Variants in OCA2 observed in about 807,000 individuals in gnomAD.
The protein encoded by OCA2 is P protein.
In OCA2, 77 loss-of-function variants were observed where a neutral mutation model predicts 100.2. The observed-to-expected ratio is 0.77, with a 90% CI of 0.64 to 0.93. OCA2 has a LOEUF of 0.93. Among genes scored for constraint, OCA2 ranks in the 40% least tolerant of loss-of-function variants. The probability of loss-of-function intolerance (pLI) is 0.00; values close to 1 mark genes in which losing one functional copy is unlikely to be tolerated. For synonymous variants in OCA2, 432 were observed against 439.2 expected, an observed-to-expected ratio of 0.98 and a Z score of 0.21; for missense variants, 1,062 against 1,089.1, an observed-to-expected ratio of 0.98 and a Z score of 0.35.
chr15:27,777,033 C>T (rs2032276420), intron 23 of OCA2, among the ~76,000 whole-genome samples: 1 of 151,992 alleles, frequency 6.6e-6, no homozygotes, highest in Non-Finnish European at 1.5e-5. Flanking sequence ...CTGCCACTTT[C>T]TCCAGAGGGA....
chr15:27,727,818 G>A, the OCA2 span, among the ~76,000 whole-genome samples: 18 of 152,042 alleles, frequency 1.2e-4, no homozygotes, highest in African/African-American at 2.7e-4. Flanking sequence ...GAGTAGAACC[G>A]GATGACACCA....
rs76440341 is a variant in OCA2 at position 28,030,825 on chromosome 15, T to C, written c.326+1240A>G. Among the ~76,000 whole-genome samples the C allele has an allele frequency of 6.2e-3, 940 of 152,344 alleles. 6 individuals carry two copies. Among genetic ancestry groups the C allele is most frequent in the African/African-American group, 0.021 (889 of 41,578 alleles). ...AAAGCTGTTGAAACTTTAAATTATT[T>C]TGAGTCTTAAAAGAATGTGATTATG... On this transcript the variant is annotated intron_variant, in intron 3 of 23. Transcript: ENST00000354638.
intron 14 of OCA2, among the ~76,000 whole-genome samples, chr15:27,979,329 A>C (rs985820520): frequency 6.6e-6 from 1 of 152,240 alleles, no homozygotes; most frequent in Non-Finnish European, 1.5e-5. Context: ...ATGTAATCCC[A>C]AAGTTAGCTG....
intron 2 of OCA2, among the ~76,000 whole-genome samples, chr15:28,052,629 TATAAACTGTGAATAGATGCA>T (rs1453973214): frequency 6.6e-6 from 1 of 152,186 alleles, no homozygotes; most frequent in Non-Finnish European, 1.5e-5. Context: ...TCAGATACTC[TATAAACTGTGAATAGATGCA>T]AAGCAAATAA....
At chr15:27,974,183 T>C (rs930043433) in intron 14 of OCA2, among the ~76,000 whole-genome samples, 1 of 152,212 alleles carries the variant, frequency 6.6e-6, no homozygotes, top group Non-Finnish European at 1.5e-5. Context: ...CTTTCTCTTG[T>C]CTGATTACTC....
intron 23 of OCA2, among the ~76,000 whole-genome samples, chr15:27,774,852 G>T (rs2032099367): frequency 6.6e-6 from 1 of 152,166 alleles, no homozygotes; most frequent in Non-Finnish European, 1.5e-5. Context: ...GGCCACGAGA[G>T]AGGCTCAGGA....
rs1416377314 is a variant in OCA2 at position 28,081,803 on chromosome 15, C to A, written c.72G>T (p.Val24=). ...APAVELLQTS[V]PSGLAELVAG... ...CCACAAGTTCAGCGAGTCCGCTGGG[C>A]ACGGACGTCTGCAGGAGCTCCACCG... The change falls in exon 2 of 24, where the codon GTG becomes GTT. Residue 24 remains valine (V), a synonymous_variant. Transcript: ENST00000354638. 2.5e-6 allele frequency: 4 copies of A among 1,612,666 alleles called. No individual in the cohort carries two copies. Among genetic ancestry groups the A allele is most frequent in the Non-Finnish European group, 3.4e-6 (4 of 1,179,838 alleles).
chr15:27,869,238 C>T (rs2036447520), intron 21 of OCA2, among the ~76,000 whole-genome samples: 1 of 152,190 alleles, frequency 6.6e-6, no homozygotes, highest in Non-Finnish European at 1.5e-5. Flanking sequence ...CCTGTGGACA[C>T]ACAAGAGCCA....
chr15:27,989,044 C>T (rs910606314), intron 11 of OCA2, among the ~76,000 whole-genome samples: 2 of 152,196 alleles, frequency 1.3e-5, no homozygotes, highest in Admixed American at 1.3e-4. Flanking sequence ...CTGAGGAACA[C>T]GTGGACTGCC....
intron 23 of OCA2, among the ~76,000 whole-genome samples, chr15:27,763,299 AT>A: frequency 6.6e-6 from 1 of 152,326 alleles, no homozygotes; most frequent in Non-Finnish European, 1.5e-5. Flanking sequence ...AAATAAAAAT[AT>A]TTTTTAAAAC....
intron 23 of OCA2, among the ~76,000 whole-genome samples, chr15:27,815,082 G>T (rs1439194710): frequency 1.3e-5 from 2 of 152,130 alleles, no homozygotes. Flanking sequence ...TGTGGGAAGG[G>T]CAGGGAAAAC....
At chr15:27,923,872 C>T (rs1398496293) in intron 19 of OCA2, among the ~76,000 whole-genome samples, 4 of 152,134 alleles carry the variant, frequency 2.6e-5, no homozygotes. Flanking sequence ...TAATAGATCC[C>T]ATTTGTCAAT....
chr15:27,729,280 T>C, the OCA2 span, among the ~76,000 whole-genome samples: 1 of 137,094 alleles, frequency 7.3e-6, no homozygotes, highest in Non-Finnish European at 1.5e-5. Flanking sequence ...GGCAATGTCA[T>C]TATCATCTAT....
chr15:27,922,261 C>T (rs543871286), intron 19 of OCA2, among the ~76,000 whole-genome samples: 15 of 152,316 alleles, frequency 9.8e-5, no homozygotes, highest in East Asian at 5.8e-4. Context: ...GTGTCATCCA[C>T]GGTTTAAGCA....
chr15:28,008,150 C>T (rs969247428), intron 9 of OCA2, among the ~76,000 whole-genome samples: 4 of 152,166 alleles, frequency 2.6e-5, no homozygotes, highest in African/African-American at 4.8e-5. Flanking sequence ...GATGGAGCGC[C>T]CACGACAAAG....
chr15:27,979,960 C>T (rs1051376709), intron 14 of OCA2, among the ~76,000 whole-genome samples: 1 of 151,372 alleles, frequency 6.6e-6, no homozygotes, highest in African/African-American at 2.4e-5. Context: ...ATGATCCACC[C>T]GCCTCAGCCT....
Position 27,957,997 on chromosome 15 carries a change from A to C in OCA2, c.1637-262T>G, listed in dbSNP as rs907521777. 1.3e-5 allele frequency among the ~76,000 whole-genome samples: 2 copies of C among 152,226 alleles called. No homozygotes were observed. The highest frequency in any genetic ancestry group is 6.5e-5 in the Admixed American group (1 of 15,280). Reference sequence around the variant, plus strand: ...GTTCTCACTCATAGGTGGGAATTGAACAATGAGAACACTTGGACATAGCAA... The same window carrying C: ...GTTCTCACTCATAGGTGGGAATTGACCAATGAGAACACTTGGACATAGCAA... On this transcript the variant is annotated intron_variant, in intron 15 of 23. Transcript: ENST00000354638. This position sits in a 1 kb window ranked among gnomAD's most constrained non-coding sequence, Gnocchi z 4.3.
chr15:28,053,612 T>C (rs368666265), intron 2 of OCA2, among the ~76,000 whole-genome samples: 1 of 152,200 alleles, frequency 6.6e-6, no homozygotes, highest in Middle Eastern at 3.2e-3. Context: ...CCTGGGCTCT[T>C]GCTGATGAGG....
At chr15:27,749,460 G>A in the OCA2 span, among the ~76,000 whole-genome samples, 10 of 152,132 alleles carry the variant, frequency 6.6e-5, no homozygotes, top group African/African-American at 2.4e-4. Flanking sequence ...GTGAATGAAT[G>A]GCCAAATTCT....
Sources: allele counts gnomAD v4.1 joint callset (sites outside exome capture counted in the v4.1 genomes callset), GRCh38; gene constraint gnomAD v4.1.1; non-coding constraint Gnocchi (gnomAD v3.1); transcripts MANE v1.5; gene names NCBI Gene and HGNC (gene_info 2026-07-23, HGNC 2026-07-21).